Variants in CYP7B1 observed in about 807,000 individuals in gnomAD.
CYP7B1 encodes cytochrome P450 family 7 subfamily B member 1, also known as cytochrome P450 7B1.
Under a neutral mutation model 42.7 loss-of-function variants are expected in CYP7B1, and 29 were observed. That is an observed-to-expected ratio of 0.68 (90% CI 0.51 to 0.93). The LOEUF is 0.93. Ranked by LOEUF, CYP7B1 falls within the 40% of genes least tolerant of loss-of-function variation. The pLI, the probability that CYP7B1 is intolerant of heterozygous loss-of-function variation, is 0.00. For missense variants in CYP7B1, 655 were observed against 600.5 expected (o/e 1.09, Z -0.95); for synonymous variants, 235 against 218.2 (o/e 1.08, Z -0.68).
chr8:64,630,204 G>T (rs935981136), intron 1 of CYP7B1, among the ~76,000 whole-genome samples: 1 of 152,088 alleles, frequency 6.6e-6, no homozygotes, highest in Non-Finnish European at 1.5e-5. Flanking sequence ...AAGAGACTAG[G>T]TTTTAAACTA....
intron 1 of CYP7B1, among the ~76,000 whole-genome samples, chr8:64,701,729 G>A (rs1222004839): frequency 1.3e-5 from 2 of 151,936 alleles, no homozygotes; most frequent in East Asian, 1.9e-4. Flanking sequence ...CACACATAAC[G>A]GGCACTACCA....
intron 1 of CYP7B1, among the ~76,000 whole-genome samples, chr8:64,752,327 A>G (rs1437650050): frequency 1.3e-5 from 2 of 152,156 alleles, no homozygotes; most frequent in African/African-American, 4.8e-5. Flanking sequence ...ATTTTGGAAT[A>G]TATTTTCATA....
At chr8:64,710,774 AC>A (rs1359764195) in intron 1 of CYP7B1, among the ~76,000 whole-genome samples, 3 of 150,128 alleles carry the variant, frequency 2.0e-5, no homozygotes, top group Non-Finnish European at 4.4e-5. Flanking sequence ...TATAAAAAGT[AC>A]ATATAAATAT....
chr8:64,596,563 C>T lies in CYP7B1; in HGVS notation c.*79G>A. On this transcript the variant is annotated 3_prime_UTR_variant, in exon 6 of 6. Transcript: ENST00000310193. ...TAAACAAATAAATCAATTACATTTG[C>T]AGAAATTAAAAAGAAATAGATGAGC... is the stretch of plus-strand genomic sequence containing the variant. 7.4e-7 allele frequency: 1 copy of T among 1,357,940 alleles called. No homozygotes were observed. The highest frequency in any genetic ancestry group is 1.0e-6 in the Non-Finnish European group (1 of 986,710). The allele number at this position is 1,357,940 out of a possible 1,614,324, so 84.1% of individuals were successfully genotyped here.
At chr8:64,605,739 T>A (rs561635775) in intron 4 of CYP7B1, among the ~76,000 whole-genome samples, 2 of 152,280 alleles carry the variant, frequency 1.3e-5, no homozygotes, top group South Asian at 2.1e-4. Context: ...TCCTAGAATA[T>A]AAAGCTTGAT....
chr8:64,724,312 A>G (rs1807289376), intron 1 of CYP7B1, among the ~76,000 whole-genome samples: 1 of 152,046 alleles, frequency 6.6e-6, no homozygotes, highest in African/African-American at 2.4e-5. Context: ...ACGCCCAGCT[A>G]ATTTTTGTAT....
intron 1 of CYP7B1, among the ~76,000 whole-genome samples, chr8:64,714,819 C>T (rs1266642855): frequency 6.6e-6 from 1 of 152,036 alleles, no homozygotes; most frequent in Non-Finnish European, 1.5e-5. Context: ...AGGATAAACT[C>T]AACATTTATT....
chr8:64,635,438 T>C (rs996699137), intron 1 of CYP7B1, among the ~76,000 whole-genome samples: 2 of 152,254 alleles, frequency 1.3e-5, no homozygotes, highest in African/African-American at 2.4e-5. Flanking sequence ...TGCAGCTCTC[T>C]GTTCTTTGGT....
rs1375337441 is a variant in CYP7B1, at chr8:64,591,670, T to C, written c.*4972A>G. Among the ~76,000 whole-genome samples the C allele has an allele frequency of 6.6e-6, 1 of 152,098 alleles. No individual in the cohort carries two copies. The highest frequency in any genetic ancestry group is 1.5e-5 in the Non-Finnish European group (1 of 68,028). ...CCAAAACTTAATTATAAAATGGAGA[T>C]GAAGTAAGGAAGTATGCCAGGAAAG... On this transcript the variant is annotated 3_prime_UTR_variant, in exon 6 of 6. Coordinates refer to ENST00000310193, the MANE Select transcript of CYP7B1 (RefSeq NM_004820.5).
At chr8:64,677,813 T>TTAGCATAC (rs141376583) in intron 1 of CYP7B1, among the ~76,000 whole-genome samples, 4,915 of 151,002 alleles carry the variant, frequency 0.033, 249 homozygotes, top group African/African-American at 0.11. Flanking sequence ...TGTCATGTAG[T>TTAGCATAC]TAGCATACTT....
At chr8:64,798,393 C>A in intron 1 of CYP7B1, 73 bp downstream of exon 1, 1 of 1,432,372 alleles carries the variant, frequency 7.0e-7, no homozygotes, top group South Asian at 1.5e-5. Context: ...AGGGGGACTC[C>A]CCTCGCCATC....
At chr8:64,647,725 C>T (rs1417144410) in intron 1 of CYP7B1, among the ~76,000 whole-genome samples, 1 of 152,110 alleles carries the variant, frequency 6.6e-6, no homozygotes, top group African/African-American at 2.4e-5. Flanking sequence ...CCTCCCTCCA[C>T]ATTTTATTCT....
chr8:64,707,043 T>A (rs944487846), intron 1 of CYP7B1, among the ~76,000 whole-genome samples: 1 of 152,018 alleles, frequency 6.6e-6, no homozygotes, highest in Non-Finnish European at 1.5e-5. Context: ...CTTTAAACAA[T>A]AATAAATTTA....
At chr8:64,649,063 T>C (rs900062662) in intron 1 of CYP7B1, among the ~76,000 whole-genome samples, 15 of 152,192 alleles carry the variant, frequency 9.9e-5, no homozygotes, top group African/African-American at 2.4e-5. Context: ...ATTCCCACTA[T>C]TGTAAAACAG....
At chr8:64,778,124 C>T (rs1804356799) in intron 1 of CYP7B1, among the ~76,000 whole-genome samples, 1 of 147,886 alleles carries the variant, frequency 6.8e-6, no homozygotes, top group Non-Finnish European at 1.5e-5. Context: ...TGATGCTCTA[C>T]ACCATATGGT....
At chr8:64,624,963 T>A (rs1805588017) in intron 1 of CYP7B1, among the ~76,000 whole-genome samples, 8 of 24,264 alleles carry the variant, frequency 3.3e-4, no homozygotes, top group Non-Finnish European at 5.9e-4. Context: ...TTTTTTTTTT[T>A]TTTTTTTTTT....
chr8:64,700,314 C>T (rs909731267), intron 1 of CYP7B1, among the ~76,000 whole-genome samples: 1 of 152,070 alleles, frequency 6.6e-6, no homozygotes, highest in Non-Finnish European at 1.5e-5. Context: ...ATCTATGATC[C>T]TAGTAACGGT....
chr8:64,670,057 C>A (rs943886966), intron 1 of CYP7B1, among the ~76,000 whole-genome samples: 1 of 152,204 alleles, frequency 6.6e-6, no homozygotes, highest in African/African-American at 2.4e-5. Flanking sequence ...TCCAATTTGT[C>A]CCTGCAAGGA....
At chr8:64,773,998 C>T (rs1041988876) in intron 1 of CYP7B1, among the ~76,000 whole-genome samples, 4 of 152,166 alleles carry the variant, frequency 2.6e-5, no homozygotes, top group African/African-American at 9.7e-5. Context: ...AACACATGAC[C>T]TTTGGGGGAT....
Sources: allele counts gnomAD v4.1 joint callset (sites outside exome capture counted in the v4.1 genomes callset), GRCh38; gene constraint gnomAD v4.1.1; transcripts MANE v1.5; gene names NCBI Gene and HGNC (gene_info 2026-07-23, HGNC 2026-07-21).